The following PRORP variants were observed in gnomAD, a reference collection of about 807,000 sequenced individuals.
PRORP encodes mitochondrial ribonuclease P catalytic subunit.
PRORP carries 51 observed loss-of-function variants against 59.4 expected under a neutral mutation model. The ratio of observed to expected loss-of-function variants is 0.86; its 90% confidence interval spans 0.69 to 1.08. PRORP has a LOEUF of 1.08. PRORP is among the 50% of genes least tolerant of loss of function. The pLI, the probability that PRORP is intolerant of heterozygous loss-of-function variation, is 0.00. For synonymous variants in PRORP, 231 were observed against 245.6 expected (o/e 0.94, Z 0.55); for missense variants, 646 against 690.3 (o/e 0.94, Z 0.72).
At chr14:35,215,262 G>A (rs895569717) in intron 5 of PRORP, among the ~76,000 whole-genome samples, 4 of 152,190 alleles carry the variant, frequency 2.6e-5, no homozygotes, top group South Asian at 4.2e-4. Context: ...CCAAAAGAGG[G>A]TGCTGTGGTA....
intron 5 of PRORP, among the ~76,000 whole-genome samples, chr14:35,227,365 A>T (rs1221205149): frequency 6.6e-6 from 1 of 151,786 alleles, no homozygotes; most frequent in Admixed American, 6.6e-5. Flanking sequence ...AATGGCGAGA[A>T]CGTGGGAGGC....
At chr14:35,163,932 G>C (rs962005696) in intron 4 of PRORP, among the ~76,000 whole-genome samples, 1 of 152,144 alleles carries the variant, frequency 6.6e-6, no homozygotes, top group African/African-American at 2.4e-5. Context: ...AATCCATCTT[G>C]AGTTAATTTT....
At chr14:35,223,532 T>C (rs906021724) in intron 5 of PRORP, among the ~76,000 whole-genome samples, 1 of 148,406 alleles carries the variant, frequency 6.7e-6, no homozygotes, top group East Asian at 2.0e-4. Context: ...TGATCTCGGC[T>C]CACTGCAACC....
intron 4 of PRORP, among the ~76,000 whole-genome samples, chr14:35,153,659 A>G (rs1011801547): frequency 2.0e-5 from 3 of 152,216 alleles, no homozygotes; most frequent in African/African-American, 7.2e-5. Context: ...AGGAAACTGT[A>G]TACTATATTT....
At chr14:35,243,302 C>G (rs2050407883) in intron 5 of PRORP, among the ~76,000 whole-genome samples, 1 of 152,114 alleles carries the variant, frequency 6.6e-6, no homozygotes, top group East Asian at 1.9e-4. Context: ...GAGGCAGAGG[C>G]AGGCAGATCT....
At chr14:35,145,401 T>C (rs1026409415) in intron 4 of PRORP, among the ~76,000 whole-genome samples, 1 of 138,956 alleles carries the variant, frequency 7.2e-6, no homozygotes, top group Non-Finnish European at 1.6e-5. Flanking sequence ...AAGGGGAAAA[T>C]TTTTTTTTTG....
intron 5 of PRORP, among the ~76,000 whole-genome samples, chr14:35,266,186 G>A (rs1043159348): frequency 7.2e-5 from 11 of 151,782 alleles, no homozygotes; most frequent in South Asian, 2.1e-4. Flanking sequence ...CTGTGGTGGC[G>A]CATGCCTGTA....
chr14:35,266,968 G>T, intron 6 of PRORP, 93 bp downstream of exon 6: 2 of 1,203,520 alleles, frequency 1.7e-6, no homozygotes, highest in Non-Finnish European at 2.3e-6. Context: ...TTAAATGCAT[G>T]TGTATGTGTA....
intron 4 of PRORP, among the ~76,000 whole-genome samples, chr14:35,133,758 A>G (rs181472181): frequency 6.6e-6 from 1 of 152,328 alleles, no homozygotes; most frequent in East Asian, 1.9e-4. Context: ...ATGGCCTTGA[A>G]CAAGATCAGG....
chr14:35,212,699 A>G lies in PRORP; in HGVS notation c.1275+31922A>G, dbSNP rs558481922. ...CGTTGATAAAGCACAGGCAGGGTAG[A>G]TTTAGCATAATTCTTAAGGGCCCTA... On this transcript the variant is annotated intron_variant, in intron 5 of 7. Coordinates refer to ENST00000534898, the MANE Select transcript of PRORP (RefSeq NM_014672.4). Among the ~76,000 whole-genome samples the G allele has an allele frequency of 7.2e-5, 11 of 152,328 alleles. 1 individual carries two copies. In the South Asian group the frequency reaches 2.3e-3, roughly 32 times the overall value.
At chr14:35,239,184 C>T (rs1425631619) in intron 5 of PRORP, among the ~76,000 whole-genome samples, 3 of 151,494 alleles carry the variant, frequency 2.0e-5, no homozygotes, top group Non-Finnish European at 4.4e-5. Context: ...GGTGAAACCC[C>T]GTCTCTACTA....
intron 4 of PRORP, among the ~76,000 whole-genome samples, chr14:35,161,358 G>GT (rs2048055572): frequency 6.6e-6 from 1 of 152,142 alleles, no homozygotes; most frequent in African/African-American, 2.4e-5. Flanking sequence ...GATTTGATCG[G>GT]TGAAGGGGCT....
chr14:35,211,140 A>T (rs997513700), intron 5 of PRORP, among the ~76,000 whole-genome samples: 3 of 152,182 alleles, frequency 2.0e-5, no homozygotes, highest in African/African-American at 7.2e-5. Flanking sequence ...CATCATAATG[A>T]ACAGTGATAT....
intron 5 of PRORP, among the ~76,000 whole-genome samples, chr14:35,259,909 A>G (rs777137541): frequency 6.6e-6 from 1 of 152,042 alleles, no homozygotes; most frequent in Non-Finnish European, 1.5e-5. Flanking sequence ...TAAATAAAAT[A>G]AAATAAAATC....
chr14:35,177,541 A>G (rs2048484885), intron 4 of PRORP, among the ~76,000 whole-genome samples: 3 of 151,970 alleles, frequency 2.0e-5, no homozygotes, highest in South Asian at 2.1e-4. Context: ...AGAGGTGTTT[A>G]TAGTATTCTC....
At chr14:35,177,020 T>C (rs959587150) in intron 4 of PRORP, among the ~76,000 whole-genome samples, 2 of 152,210 alleles carry the variant, frequency 1.3e-5, no homozygotes, top group Admixed American at 6.5e-5. Flanking sequence ...TTGTCTTTGG[T>C]TCTGTTTATA....
At chr14:35,245,276 G>T (rs369162412) in intron 5 of PRORP, among the ~76,000 whole-genome samples, 1 of 152,172 alleles carries the variant, frequency 6.6e-6, no homozygotes, top group East Asian at 1.9e-4. Context: ...TGGGATGTCA[G>T]GGAGTATGGA....
chr14:35,169,471 C>G (rs1378059552), intron 4 of PRORP, among the ~76,000 whole-genome samples: 1 of 152,146 alleles, frequency 6.6e-6, no homozygotes, highest in Non-Finnish European at 1.5e-5. Context: ...GTTTAATTGA[C>G]TCAAGGTTCT....
intron 4 of PRORP, among the ~76,000 whole-genome samples, chr14:35,136,621 C>T (rs571168027): frequency 1.3e-4 from 19 of 145,372 alleles, no homozygotes; most frequent in African/African-American, 3.6e-4. Context: ...GTGATCCACC[C>T]ACCTCGGCCT....
Sources: gnomAD v4.1 joint callset for allele counts (sites outside exome capture counted in the v4.1 genomes callset) on GRCh38, gnomAD v4.1.1 for gene constraint, MANE v1.5 for transcripts, NCBI Gene and HGNC (gene_info 2026-07-23, HGNC 2026-07-21) for gene names.